TRPC5: variants seen among roughly 807,000 people sequenced by gnomAD.
TRPC5 encodes the protein short transient receptor potential channel 5.
A neutral mutation model predicts 56.5 loss-of-function variants in TRPC5; 9 were observed. The observed-to-expected ratio is 0.16, with a 90% confidence interval of 0.10 to 0.28. The LOEUF (loss-of-function observed/expected upper bound fraction) is 0.28, where lower values mean the gene tolerates loss of function less well. Among genes scored for constraint, TRPC5 ranks in the 10% least tolerant of loss-of-function variants. The pLI, the probability that TRPC5 is intolerant of heterozygous loss-of-function variation, is 1.00. For missense variants in TRPC5, 469 were observed against 748.9 expected, an observed-to-expected ratio of 0.63 and a Z score of 4.36; for synonymous variants, 282 against 278.5, an observed-to-expected ratio of 1.01 and a Z score of -0.13.
intron 1 of TRPC5, among the ~76,000 whole-genome samples, chrX:112,004,833 G>A (rs1471692492): frequency 9.0e-6 from 1 of 111,032 alleles, no homozygotes; most frequent in African/African-American, 3.3e-5. Flanking sequence ...ATGGGTAGGG[G>A]CGGCAAAAAA....
intron 1 of TRPC5, among the ~76,000 whole-genome samples, chrX:112,025,866 C>G (rs1929400141): frequency 9.0e-6 from 1 of 111,699 alleles, no homozygotes; most frequent in Non-Finnish European, 1.9e-5. Flanking sequence ...CTCTGCTATC[C>G]CCAGGCTTCC....
chrX:112,030,564 G>A (rs998190641), intron 1 of TRPC5, among the ~76,000 whole-genome samples: 15 of 111,913 alleles, frequency 1.3e-4, no homozygotes, highest in African/African-American at 3.9e-4. Context: ...TGTTTCTTGT[G>A]GGGACAATAG....
At chrX:112,035,768 A>G (rs1325739516) in intron 1 of TRPC5, among the ~76,000 whole-genome samples, 1 of 108,765 alleles carries the variant, frequency 9.2e-6, no homozygotes, top group Non-Finnish European at 1.9e-5. Context: ...AGTAGCTGGG[A>G]CTACAGCTGC....
intron 7 of TRPC5, among the ~76,000 whole-genome samples, chrX:111,823,881 C>A (rs1031796773): frequency 9.1e-6 from 1 of 110,283 alleles, no homozygotes; most frequent in African/African-American, 3.3e-5. Context: ...GAGATGCTGG[C>A]AGGAAAAGAG....
At chrX:111,994,127 T>C (rs187158846) in intron 1 of TRPC5, among the ~76,000 whole-genome samples, 34 of 111,899 alleles carry the variant, frequency 3.0e-4, no homozygotes, top group African/African-American at 8.4e-4. Context: ...ATATGGCTAG[T>C]CAGTTTTCCC....
chrX:111,954,609 G>C (rs1754596310), intron 1 of TRPC5, among the ~76,000 whole-genome samples: 2 of 111,821 alleles, frequency 1.8e-5, no homozygotes, highest in South Asian at 7.5e-4. Flanking sequence ...CATAATCTTG[G>C]TATCCTCATC....
intron 1 of TRPC5, among the ~76,000 whole-genome samples, chrX:112,017,109 G>A (rs1261886278): frequency 9.0e-6 from 1 of 111,662 alleles, no homozygotes; most frequent in Non-Finnish European, 1.9e-5. Context: ...TGCCTCCCGG[G>A]TTCAAGCAAT....
intron 2 of TRPC5, among the ~76,000 whole-genome samples, chrX:111,923,509 A>C (rs1474383421): frequency 8.9e-6 from 1 of 112,218 alleles, no homozygotes; most frequent in Non-Finnish European, 1.9e-5. Context: ...AGTTTAATGA[A>C]GCATTCCATA....
chrX:111,895,398 T>C (rs772549651), intron 3 of TRPC5, among the ~76,000 whole-genome samples: 33 of 112,215 alleles, frequency 2.9e-4, no homozygotes, highest in African/African-American at 1.1e-3. Flanking sequence ...TTCGTATTGA[T>C]TTGTAGTTTA....
At chrX:111,856,514 G>C (rs1375406235) in intron 3 of TRPC5, among the ~76,000 whole-genome samples, 1 of 103,419 alleles carries the variant, frequency 9.7e-6, no homozygotes, top group Non-Finnish European at 1.9e-5. Flanking sequence ...ACTCCAGCCT[G>C]GGTAACAGAG....
Position 111,909,163 on chromosome X carries a change from A to C in TRPC5, c.900+3128T>G, listed in dbSNP as rs201204327. On this transcript the variant is annotated intron_variant, in intron 3 of 10. Coordinates refer to ENST00000262839, the MANE Select transcript of TRPC5 (RefSeq NM_012471.3). ...ATAAATAAATTAATTAAAAAAAAAA[A>C]AAAAAAAAAACCAAAAATTTTCTGG... Among the ~76,000 whole-genome samples the C allele has an allele frequency of 1.2e-3, 115 of 92,735 alleles. 2 individuals are homozygous for C. The highest frequency in any genetic ancestry group is 7.2e-3 in the South Asian group (14 of 1,934). 80.5% of individuals were successfully genotyped at this position (92,735 alleles called of 115,157 possible).
At chrX:111,809,671 C>T (rs764730023) in intron 7 of TRPC5, among the ~76,000 whole-genome samples, 1 of 110,995 alleles carries the variant, frequency 9.0e-6, no homozygotes, top group Non-Finnish European at 1.9e-5. Context: ...TATGAAGGTG[C>T]TTTACGGTGT....
intron 3 of TRPC5, among the ~76,000 whole-genome samples, chrX:111,855,487 G>C: frequency 8.9e-6 from 1 of 112,104 alleles, no homozygotes; most frequent in African/African-American, 3.2e-5. Context: ...TGCTGAATAA[G>C]AATACCTGTT....
chrX:111,823,709 G>A (rs1219829220), intron 7 of TRPC5, among the ~76,000 whole-genome samples: 1 of 110,697 alleles, frequency 9.0e-6, no homozygotes, highest in Non-Finnish European at 1.9e-5. Flanking sequence ...GAAATAAGTC[G>A]CTTTGTGTCC....
intron 7 of TRPC5, among the ~76,000 whole-genome samples, chrX:111,816,878 A>T (rs992276679): frequency 8.9e-6 from 1 of 111,836 alleles, no homozygotes; most frequent in Non-Finnish European, 1.9e-5. Context: ...GGTCAGAAAG[A>T]ACAGCAACAT....
At position 111,912,675 on chromosome X, in the gene TRPC5, G is replaced by C; in HGVS notation, c.516C>G (p.His172Gln). The change falls in exon 3 of 11, where the codon CAC becomes CAG. Residue 172 changes from histidine to glutamine, a missense_variant. His to Gln is a conservative substitution (Grantham distance 24, BLOSUM62 0). This residue lies in a region of TRPC5 where 118 missense variants were observed against 167.1 expected (regional missense o/e 0.71). Transcript: ENST00000262839. ...ACTCCACACAGTTGCAGCGGATCTG[G>C]TGGGGCCGTGGGATAGTGACCCGTT... ...VQKRVTIPRP[H>Q]QIRCNCVECV... 8.3e-7 allele frequency: 1 copy of C among 1,211,210 alleles called. No homozygotes were observed. The highest frequency in any genetic ancestry group is 1.1e-6 in the Non-Finnish European group (1 of 895,546).
chrX:111,950,194 A>G (rs756477620), intron 2 of TRPC5, among the ~76,000 whole-genome samples: 98 of 110,501 alleles, frequency 8.9e-4, no homozygotes, highest in East Asian at 2.0e-3. Context: ...GCGTGGTGGC[A>G]GGCACCTGTA....
chrX:111,942,783 A>G (rs1048103979), intron 2 of TRPC5, among the ~76,000 whole-genome samples: 1 of 112,266 alleles, frequency 8.9e-6, no homozygotes, highest in Admixed American at 9.4e-5. Context: ...TTGACTTTGG[A>G]ATGGGAATCA....
intron 6 of TRPC5, among the ~76,000 whole-genome samples, chrX:111,842,230 C>T (rs1207659501): frequency 3.8e-5 from 4 of 104,739 alleles, no homozygotes; most frequent in East Asian, 2.9e-4. Flanking sequence ...CTCTGGCTCC[C>T]GGGTTCAAGC....
Sources: gnomAD v4.1 joint callset for allele counts (sites outside exome capture counted in the v4.1 genomes callset) on GRCh38, gnomAD v4.1.1 for gene constraint, gnomAD v4.1.1 regional missense constraint, MANE v1.5 for transcripts, NCBI Gene and HGNC (gene_info 2026-07-23, HGNC 2026-07-21) for gene names.